Variants in DNAH7 observed in about 807,000 individuals in gnomAD.
DNAH7 encodes axonemal beta dynein heavy chain 7.
Under a neutral mutation model 444.6 loss-of-function variants are expected in DNAH7, and 397 were observed. The observed-to-expected ratio is 0.89, with a 90% CI of 0.82 to 0.97. The LOEUF (loss-of-function observed/expected upper bound fraction) is 0.97, where lower values mean the gene tolerates loss of function less well. Among genes scored for constraint, DNAH7 ranks in the 50% least tolerant of loss-of-function variants. The pLI, the probability that DNAH7 is intolerant of heterozygous loss-of-function variation, is 0.00. For missense variants in DNAH7, 4,902 were observed against 4,800.8 expected, an observed-to-expected ratio of 1.02 and a Z score of -0.62; for synonymous variants, 1,636 against 1,624.4, an observed-to-expected ratio of 1.01 and a Z score of -0.17.
chr2:195,803,112 A>G (rs1418290211), intron 54 of DNAH7, among the ~76,000 whole-genome samples: 1 of 152,232 alleles, frequency 6.6e-6, no homozygotes, highest in East Asian at 1.9e-4. Context: ...ATTTTCCTAT[A>G]GCTGGTCTTT....
At chr2:195,933,691 T>A (rs1278355721) in intron 21 of DNAH7, among the ~76,000 whole-genome samples, 2 of 142,304 alleles carry the variant, frequency 1.4e-5, no homozygotes, top group African/African-American at 2.6e-5. Context: ...TAGGTGGGAA[T>A]TGAACAATGA....
At chr2:195,818,782 T>C (rs1297868204) in intron 49 of DNAH7, among the ~76,000 whole-genome samples, 3 of 152,166 alleles carry the variant, frequency 2.0e-5, no homozygotes, top group African/African-American at 7.2e-5. Context: ...CAATAAACAC[T>C]GTCTTGACCT....
At chr2:195,818,814 C>CT (rs542264145) in intron 49 of DNAH7, among the ~76,000 whole-genome samples, 3 of 151,544 alleles carry the variant, frequency 2.0e-5, no homozygotes, top group East Asian at 1.9e-4. Context: ...GAAATCCTCA[C>CT]TTTTTTTTTC....
chr2:195,917,086 A>C (rs1351167869), intron 24 of DNAH7, among the ~76,000 whole-genome samples: 2 of 129,302 alleles, frequency 1.5e-5, no homozygotes, highest in African/African-American at 3.1e-5. Flanking sequence ...TGGGCAACAG[A>C]GTGAGACTCC....
chr2:195,826,003 T>C, intron 48 of DNAH7, among the ~76,000 whole-genome samples: 1 of 152,258 alleles, frequency 6.6e-6, no homozygotes, highest in Non-Finnish European at 1.5e-5. Context: ...ATGATTATTT[T>C]TCATGGTTAA....
chr2:196,068,625 G>A lies in DNAH7; in HGVS notation c.15+72C>T, dbSNP rs942894454. Reference sequence around the variant, plus strand: ...CTGGGGAGTTCGCTAGGCAGGAGGGGCTTCCACCACTTCCGAAACGCCTGG... The same window carrying A: ...CTGGGGAGTTCGCTAGGCAGGAGGGACTTCCACCACTTCCGAAACGCCTGG... On this transcript the variant is annotated intron_variant, in intron 1 of 64. Transcript: ENST00000312428. The A allele has an allele frequency of 7.1e-6, 11 of 1,543,658 alleles. No individual in the cohort carries two copies. The Admixed American group carries it at 9.9e-5, about 14-fold the overall frequency.
chr2:196,046,223 C>G (rs919665419), intron 5 of DNAH7, among the ~76,000 whole-genome samples: 3 of 152,274 alleles, frequency 2.0e-5, no homozygotes, highest in East Asian at 3.9e-4. Flanking sequence ...TACGGCTGCC[C>G]TTATGGGGGC....
chr2:195,994,438 G>T, intron 12 of DNAH7: 2 of 590,744 alleles, frequency 3.4e-6, no homozygotes, highest in South Asian at 1.5e-5. Flanking sequence ...AAGTTGGCTG[G>T]GGAGGCCAAG....
intron 47 of DNAH7, among the ~76,000 whole-genome samples, chr2:195,834,777 C>T (rs937768063): frequency 4.6e-5 from 7 of 152,134 alleles, no homozygotes; most frequent in African/African-American, 1.7e-4. Flanking sequence ...TTCCTTAGTT[C>T]CCACCTGCTG....
At position 195,876,554 on chromosome 2, in the gene DNAH7, C is replaced by T; in HGVS notation, c.6107G>A (p.Gly2036Asp). The change falls in exon 37 of 65, where the codon GGC becomes GAC. Residue 2036 changes from glycine to aspartate, a missense_variant. By Grantham distance (94) the Gly-to-Asp change is moderately conservative. Transcript: ENST00000312428. ...ACAAAGAGTCATTACCATTCTCTTG[C>T]CCAAAGGAGGACCAAAAACTCCCTT... ...RRKGVFGPPL[G>D]KRMVVFVDDV... 6.2e-7 allele frequency: 1 copy of T among 1,613,732 alleles called. No individual in the cohort carries two copies. The highest frequency in any genetic ancestry group is 1.3e-5 in the African/African-American group (1 of 75,006).
At position 196,012,368 on chromosome 2, in the gene DNAH7, C is replaced by T. The variant is rs146606749; in HGVS notation, c.989+419G>A. Among the ~76,000 whole-genome samples, 226 of 152,074 alleles carry T rather than the reference C, an allele frequency of 1.5e-3. 2 individuals carry two copies. Among genetic ancestry groups the T allele is most frequent in the Non-Finnish European group, 1.5e-3 (103 of 67,956 alleles). ...GTGAGATTTTTTTAATTCATTTAAA[C>T]GATATACTTTCCCCACTTAACCATT... is the stretch of plus-strand genomic sequence containing the variant. On this transcript the variant is annotated intron_variant, in intron 10 of 64. Transcript: ENST00000312428.
At chr2:195,755,093 A>G (rs1194622357) in intron 62 of DNAH7, among the ~76,000 whole-genome samples, 1 of 152,234 alleles carries the variant, frequency 6.6e-6, no homozygotes, top group African/African-American at 2.4e-5. Flanking sequence ...TCTAATACGC[A>G]TTGCTACACA....
chr2:195,786,946 T>A, intron 58 of DNAH7, 64 bp downstream of exon 58: 1 of 1,470,798 alleles, frequency 6.8e-7, no homozygotes, highest in Non-Finnish European at 9.0e-7. Flanking sequence ...CCACTTACTA[T>A]AACACACTTA....
intron 12 of DNAH7, chr2:195,994,322 C>T (rs896581775): frequency 3.6e-6 from 2 of 563,182 alleles, no homozygotes; most frequent in Non-Finnish European, 6.1e-6. Context: ...TGATGCCTTC[C>T]TCCTCCCCAA....
At chr2:195,910,846 C>G (rs1476917087) in intron 24 of DNAH7, among the ~76,000 whole-genome samples, 1 of 152,106 alleles carries the variant, frequency 6.6e-6, no homozygotes, top group Non-Finnish European at 1.5e-5. Context: ...GACAAAGAAG[C>G]CTATCCTTCA....
In DNAH7 at chr2:195,825,844, T is replaced by C. The variant is rs549638117; in HGVS notation, c.9101-1399A>G. 8.5e-5 allele frequency among the ~76,000 whole-genome samples: 13 copies of C among 152,320 alleles called. No homozygotes were observed. The South Asian group carries it at 2.7e-3, about 32-fold the overall frequency. On this transcript the variant is annotated intron_variant, in intron 48 of 64. Transcript: ENST00000312428. ...ATTTGGATCTCAATTGCCATGAAAG[T>C]GCAGACATATTTTCTCCTTCCCACA...
At chr2:196,021,835 G>GA (rs1695400566) in intron 8 of DNAH7, among the ~76,000 whole-genome samples, 1 of 150,374 alleles carries the variant, frequency 6.7e-6, no homozygotes, top group Non-Finnish European at 1.5e-5. Context: ...AATTACAAAT[G>GA]AAAAAAGGAA....
intron 5 of DNAH7, among the ~76,000 whole-genome samples, chr2:196,028,544 T>C (rs1046433517): frequency 6.6e-6 from 1 of 152,242 alleles, no homozygotes; most frequent in African/African-American, 2.4e-5. Flanking sequence ...TTTATGTGCC[T>C]ATGTATTTAT....
intron 48 of DNAH7, chr2:195,825,207 A>G (rs1453904469): frequency 6.6e-6 from 1 of 152,024 alleles, no homozygotes; most frequent in Non-Finnish European, 1.5e-5. Context: ...GCAGTGAGCC[A>G]TGATCAAGCT....
Sources: allele counts gnomAD v4.1 joint callset (sites outside exome capture counted in the v4.1 genomes callset), GRCh38; gene constraint gnomAD v4.1.1; transcripts MANE v1.5; gene names NCBI Gene and HGNC (gene_info 2026-07-23, HGNC 2026-07-21).